Variants in ZCCHC7 observed in about 807,000 individuals in gnomAD.
ZCCHC7 encodes zinc finger CCHC-type containing 7.
ZCCHC7 carries 35 observed loss-of-function variants against 52.0 expected under a neutral mutation model. The observed-to-expected ratio is 0.67, with a 90% confidence interval of 0.51 to 0.89. The LOEUF (loss-of-function observed/expected upper bound fraction) is 0.89, where lower values mean the gene tolerates loss of function less well. Among genes scored for constraint, ZCCHC7 ranks in the 40% least tolerant of loss-of-function variants. The pLI is 0.00. For missense variants in ZCCHC7, 574 were observed against 649.1 expected, an observed-to-expected ratio of 0.88 and a Z score of 1.26; for synonymous variants, 217 against 221.5, an observed-to-expected ratio of 0.98 and a Z score of 0.18.
At chr9:37,328,396 T>A (rs946056411) in intron 6 of ZCCHC7, among the ~76,000 whole-genome samples, 2 of 152,018 alleles carry the variant, frequency 1.3e-5, no homozygotes, top group Non-Finnish European at 2.9e-5. Flanking sequence ...ATTGTGATTT[T>A]AGGCTAAGTA....
chr9:37,284,659 A>T (rs1828127591), intron 2 of ZCCHC7, among the ~76,000 whole-genome samples: 1 of 152,150 alleles, frequency 6.6e-6, no homozygotes. Flanking sequence ...CAGCTCATGT[A>T]TTTTGTATTT....
chr9:37,305,152 A>G (rs1829240041), intron 4 of ZCCHC7, among the ~76,000 whole-genome samples: 2 of 152,194 alleles, frequency 1.3e-5, no homozygotes, highest in Admixed American at 1.3e-4. Context: ...TGCTTTTCAA[A>G]TAGTTCAGAC....
intron 2 of ZCCHC7, among the ~76,000 whole-genome samples, chr9:37,132,027 C>T (rs1842806487): frequency 6.6e-6 from 1 of 152,090 alleles, no homozygotes; most frequent in South Asian, 2.1e-4. Context: ...TTTCCTAAGC[C>T]TTCTTTATAA....
chr9:37,175,287 T>A (rs1364182805), intron 2 of ZCCHC7, among the ~76,000 whole-genome samples: 2 of 152,220 alleles, frequency 1.3e-5, no homozygotes, highest in African/African-American at 4.8e-5. Flanking sequence ...ATAAACCGTA[T>A]CGCAGAATAG....
intron 2 of ZCCHC7, among the ~76,000 whole-genome samples, chr9:37,190,022 C>T (rs962330880): frequency 2.6e-5 from 4 of 152,170 alleles, no homozygotes; most frequent in Non-Finnish European, 4.4e-5. Context: ...CTAATCCTCC[C>T]CTCTTTATAC....
At chr9:37,147,659 A>T (rs1178654188) in intron 2 of ZCCHC7, among the ~76,000 whole-genome samples, 1 of 152,072 alleles carries the variant, frequency 6.6e-6, no homozygotes, top group African/African-American at 2.4e-5. Context: ...TTCATAAAAG[A>T]TATGTCAATC....
chr9:37,145,704 A>G (rs1843401767), intron 2 of ZCCHC7, among the ~76,000 whole-genome samples: 2 of 151,914 alleles, frequency 1.3e-5, no homozygotes, highest in Admixed American at 1.3e-4. Flanking sequence ...TACTTATTAG[A>G]TTGGTAGTTG....
intron 2 of ZCCHC7, among the ~76,000 whole-genome samples, chr9:37,260,008 G>T (rs951323559): frequency 2.0e-5 from 3 of 152,140 alleles, no homozygotes; most frequent in Admixed American, 6.5e-5. Flanking sequence ...GGTTTGCAAT[G>T]TTGCAGTGGT....
chr9:37,301,127 A>G (rs1436878336), intron 2 of ZCCHC7, among the ~76,000 whole-genome samples: 1 of 152,196 alleles, frequency 6.6e-6, no homozygotes, highest in Admixed American at 6.5e-5. Flanking sequence ...AAGCTAGTGG[A>G]CACAGTTAAT....
At chr9:37,255,995 T>C (rs1285411029) in intron 2 of ZCCHC7, among the ~76,000 whole-genome samples, 1 of 152,162 alleles carries the variant, frequency 6.6e-6, no homozygotes, top group Non-Finnish European at 1.5e-5. Flanking sequence ...AACAGATATT[T>C]TTAATTGACT....
At chr9:37,283,917 T>G (rs1416794059) in intron 2 of ZCCHC7, among the ~76,000 whole-genome samples, 2 of 152,178 alleles carry the variant, frequency 1.3e-5, no homozygotes, top group Non-Finnish European at 2.9e-5. Context: ...AATGGCCCTG[T>G]GGCTGAGCTG....
chr9:37,141,066 G>C (rs770436967), intron 2 of ZCCHC7, among the ~76,000 whole-genome samples: 1 of 151,772 alleles, frequency 6.6e-6, no homozygotes, highest in Non-Finnish European at 1.5e-5. Context: ...AAATTTGTTT[G>C]GAAATCTCAA....
chr9:37,281,370 A>T (rs1377012834), intron 2 of ZCCHC7, among the ~76,000 whole-genome samples: 1 of 152,198 alleles, frequency 6.6e-6, no homozygotes, highest in Non-Finnish European at 1.5e-5. Flanking sequence ...AGAGATTGTG[A>T]CATAGAGGTG....
intron 2 of ZCCHC7, among the ~76,000 whole-genome samples, chr9:37,136,108 T>C (rs944813179): frequency 5.9e-5 from 9 of 152,196 alleles, no homozygotes; most frequent in African/African-American, 2.2e-4. Flanking sequence ...TCTACTTATC[T>C]CTCAGTTCTT....
At chr9:37,268,996 T>C (rs756615141) in intron 2 of ZCCHC7, among the ~76,000 whole-genome samples, 8 of 152,212 alleles carry the variant, frequency 5.3e-5, no homozygotes, top group Admixed American at 1.3e-4. Flanking sequence ...TATGGTGACG[T>C]TTAAGCTGAA....
At chr9:37,139,436 G>T (rs1335223294) in intron 2 of ZCCHC7, among the ~76,000 whole-genome samples, 1 of 151,974 alleles carries the variant, frequency 6.6e-6, no homozygotes, top group Non-Finnish European at 1.5e-5. Flanking sequence ...CATTGGTTCT[G>T]GATGGAGATG....
chr9:37,349,403 C>G lies in ZCCHC7; in HGVS notation c.1034C>G (p.Ser345Ter). The G allele has an allele frequency of 6.2e-7, 1 of 1,614,154 alleles. No homozygotes were observed. Among genetic ancestry groups the G allele is most frequent in the Non-Finnish European group, 8.5e-7 (1 of 1,179,992 alleles). ...AAGCCGAAGACCCCTTCAAGACCATCAGCCTTAGCATATTGCTATCACTGC... is the reference window on the plus strand; with the variant it reads ...AAGCCGAAGACCCCTTCAAGACCATGAGCCTTAGCATATTGCTATCACTGC... ...PKKPKTPSRP[S>*]ALAYCYHCAQ... Residue 345 changes from serine to a stop codon, truncating the protein, a stop_gained, in exon 7 of 9, where the codon TCA (serine) becomes TGA (stop). Coordinates refer to ENST00000336755, the MANE Select transcript of ZCCHC7 (RefSeq NM_032226.3). LOFTEE classifies it high-confidence loss of function.
At chr9:37,351,586 A>G (rs996173302) in intron 7 of ZCCHC7, among the ~76,000 whole-genome samples, 1 of 152,190 alleles carries the variant, frequency 6.6e-6, no homozygotes, top group African/African-American at 2.4e-5. Context: ...AGATTACAGA[A>G]GTGAGCTACC....
chr9:37,219,762 G>GT (rs1432127204), intron 2 of ZCCHC7, among the ~76,000 whole-genome samples: 4 of 152,220 alleles, frequency 2.6e-5, no homozygotes, highest in Non-Finnish European at 5.9e-5. Context: ...TTTAAATTGT[G>GT]TAAGTCTAAA....
Sources: gnomAD v4.1 joint callset for allele counts (sites outside exome capture counted in the v4.1 genomes callset) on GRCh38, gnomAD v4.1.1 for gene constraint, MANE v1.5 for transcripts, NCBI Gene and HGNC (gene_info 2026-07-23, HGNC 2026-07-21) for gene names.